DNAH6: variants seen among roughly 807,000 people sequenced by gnomAD.
DNAH6 encodes the protein axonemal beta dynein heavy chain 6.
A neutral mutation model predicts 491.4 loss-of-function variants in DNAH6; 340 were observed. That is an observed-to-expected ratio of 0.69 (90% CI 0.63 to 0.76). The LOEUF (loss-of-function observed/expected upper bound fraction) is 0.76. Ranked by LOEUF, DNAH6 falls within the 30% of genes least tolerant of loss-of-function variation. The pLI is 0.00. For missense variants in DNAH6, 4,443 were observed against 4,972.2 expected, an observed-to-expected ratio of 0.89 and a Z score of 3.20; for synonymous variants, 1,603 against 1,686.1, an observed-to-expected ratio of 0.95 and a Z score of 1.21.
chr2:84,515,577 A>C (rs1419420811), upstream of DNAH6, among the ~76,000 whole-genome samples: 3 of 152,264 alleles, frequency 2.0e-5, no homozygotes, highest in African/African-American at 7.2e-5. Flanking sequence ...TAGAGCAAGA[A>C]ACAAATATCA....
chr2:84,470,778 C>T, the DNAH6 span, among the ~76,000 whole-genome samples: 11 of 152,118 alleles, frequency 7.2e-5, no homozygotes, highest in Non-Finnish European at 1.3e-4. Flanking sequence ...TGATCACACC[C>T]AACACCAGGT....
rs201496535 is a variant in DNAH6 at position 84,795,490 on chromosome 2, G to A, written c.11240-816G>A. ...AACTAATTATAAAACAAAACAAAAA[G>A]AAAGAGAAAGAAAAAACAATTTTTT... On this transcript the variant is annotated intron_variant, in intron 68 of 76. Transcript: ENST00000389394. Among the ~76,000 whole-genome samples, 5 of 92,836 alleles carry A rather than the reference G, an allele frequency of 5.4e-5. 1 individual carries two copies. Among genetic ancestry groups the A allele is most frequent in the African/African-American group, 3.3e-4 (5 of 15,152 alleles). 60.9% of individuals were successfully genotyped at this position (92,836 alleles called of 152,430 possible). A position where few individuals can be genotyped will look rare whatever the true frequency, so the allele number is the denominator to read the frequency against.
the DNAH6 span, among the ~76,000 whole-genome samples, chr2:84,483,846 G>A: frequency 3.3e-3 from 509 of 152,222 alleles, 2 homozygotes; most frequent in African/African-American, 0.012. Flanking sequence ...GCATCTTCGT[G>A]TGTGACCTCC....
intron 18 of DNAH6, among the ~76,000 whole-genome samples, chr2:84,598,847 T>C (rs1046098405): frequency 2.0e-5 from 3 of 151,902 alleles, no homozygotes; most frequent in Non-Finnish European, 4.4e-5. Flanking sequence ...CTGGCCAACA[T>C]GGTGAAACCC....
At position 84,819,299 on chromosome 2, in the gene DNAH6, A is replaced by G. The variant is rs1375533991; in HGVS notation, c.12374-6A>G. ...AACAACCTTTTTTTCCTATATCCTT[A>G]ATTAGGACATTCAACCAATTTTGTG... is the stretch of plus-strand genomic sequence containing the variant. On this transcript the variant is annotated splice_polypyrimidine_tract_variant and splice_region_variant and intron_variant, in intron 76 of 76. Coordinates refer to ENST00000389394, the MANE Select transcript of DNAH6 (RefSeq NM_001370.2). The G allele has an allele frequency of 6.5e-7, 1 of 1,538,060 alleles. No individual in the cohort carries two copies. The highest frequency in any genetic ancestry group is 1.4e-5 in the African/African-American group (1 of 72,472).
chr2:84,523,955 A>G (rs1390461742), intron 2 of DNAH6, among the ~76,000 whole-genome samples: 2 of 152,082 alleles, frequency 1.3e-5, no homozygotes, highest in Non-Finnish European at 2.9e-5. Context: ...GTAGAGGTCT[A>G]TCATATTCAT....
At chr2:84,515,273 C>A (rs1003741477), upstream of DNAH6, among the ~76,000 whole-genome samples, 1 of 152,056 alleles carries the variant, frequency 6.6e-6, no homozygotes, top group Non-Finnish European at 1.5e-5. Context: ...AAAATTTTTT[C>A]TAAACTGACT....
intron 24 of DNAH6, 113 bp from the exon 25 acceptor site, chr2:84,621,078 G>A (rs941252595): frequency 2.9e-6 from 3 of 1,024,430 alleles, no homozygotes; most frequent in Admixed American, 5.1e-5. Flanking sequence ...TTCAGTATTT[G>A]TGGTCAGGCT....
chr2:84,609,601 G>A (rs1686123527), intron 21 of DNAH6, among the ~76,000 whole-genome samples: 1 of 151,908 alleles, frequency 6.6e-6, no homozygotes, highest in Admixed American at 6.6e-5. Flanking sequence ...ATATAAGCAT[G>A]GTTCATGGCA....
At chr2:84,515,811 A>G (rs1230999635), upstream of DNAH6, among the ~76,000 whole-genome samples, 2 of 152,152 alleles carry the variant, frequency 1.3e-5, no homozygotes, top group East Asian at 3.8e-4. Context: ...GTCACTTGGG[A>G]ACTTAAGTGA....
At chr2:84,716,982 C>T (rs1330480734) in intron 58 of DNAH6, among the ~76,000 whole-genome samples, 1 of 152,152 alleles carries the variant, frequency 6.6e-6, no homozygotes. Flanking sequence ...TTTCTCATTG[C>T]AATTTTCCTC....
intron 26 of DNAH6, among the ~76,000 whole-genome samples, chr2:84,621,984 A>C (rs1687440925): frequency 6.6e-6 from 1 of 152,214 alleles, no homozygotes; most frequent in Admixed American, 6.5e-5. Flanking sequence ...TAAAACAATA[A>C]ATAATTCAAT....
At chr2:84,575,879 G>A (rs1682389545) in intron 12 of DNAH6, among the ~76,000 whole-genome samples, 2 of 151,750 alleles carry the variant, frequency 1.3e-5, no homozygotes, top group Admixed American at 6.6e-5. Flanking sequence ...GCAAGACTCC[G>A]TCTCAAAAAA....
chr2:84,633,619 C>G (rs1688601698), intron 29 of DNAH6, among the ~76,000 whole-genome samples: 1 of 151,820 alleles, frequency 6.6e-6, no homozygotes, highest in Non-Finnish European at 1.5e-5. Context: ...GGGCATTACT[C>G]CTCTCCCTCT....
intron 37 of DNAH6, among the ~76,000 whole-genome samples, chr2:84,662,032 T>C (rs1412218719): frequency 6.6e-6 from 1 of 152,150 alleles, no homozygotes; most frequent in African/African-American, 2.4e-5. Flanking sequence ...GGTGGTTATA[T>C]TGATATTTAC....
intron 10 of DNAH6, among the ~76,000 whole-genome samples, chr2:84,554,802 T>C (rs776966260): frequency 1.1e-4 from 17 of 152,232 alleles, no homozygotes; most frequent in Non-Finnish European, 2.5e-4. Context: ...ACTCATGTCC[T>C]TCACATGGGA....
chr2:84,528,821 G>T, intron 3 of DNAH6, 83 bp from the exon 4 acceptor site: 1 of 1,314,988 alleles, frequency 7.6e-7, no homozygotes, highest in Non-Finnish European at 1.0e-6. Context: ...ATGGCAATTA[G>T]TCCTTGAAGG....
intron 57 of DNAH6, among the ~76,000 whole-genome samples, chr2:84,714,761 G>T (rs1473996352): frequency 6.6e-6 from 1 of 151,598 alleles, no homozygotes; most frequent in African/African-American, 2.4e-5. Flanking sequence ...CCCAAGCCTA[G>T]CTCTGTAACA....
At chr2:84,473,735 A>G in the DNAH6 span, among the ~76,000 whole-genome samples, 2 of 152,216 alleles carry the variant, frequency 1.3e-5, no homozygotes, top group South Asian at 2.1e-4. Flanking sequence ...GAGGCTTAAT[A>G]GCACTTTGTT....
Sources: allele counts gnomAD v4.1 joint callset (sites outside exome capture counted in the v4.1 genomes callset), GRCh38; gene constraint gnomAD v4.1.1; transcripts MANE v1.5; gene names NCBI Gene and HGNC (gene_info 2026-07-23, HGNC 2026-07-21).